DPP10: variants seen among roughly 807,000 people sequenced by gnomAD.
The protein encoded by DPP10 is dipeptidyl peptidase like 10.
Under a neutral mutation model 120.9 loss-of-function variants are expected in DPP10, and 33 were observed. The observed-to-expected ratio is 0.27, with a 90% CI of 0.21 to 0.37. The LOEUF (loss-of-function observed/expected upper bound fraction) is 0.37, where lower values mean the gene tolerates loss of function less well. Among genes scored for constraint, DPP10 ranks in the 10% least tolerant of loss-of-function variants. The probability of loss-of-function intolerance (pLI) is 1.00; values close to 1 mark genes in which losing one functional copy is unlikely to be tolerated. For missense variants in DPP10, 816 were observed against 942.8 expected, an observed-to-expected ratio of 0.87 and a Z score of 1.76; for synonymous variants, 337 against 326.1, an observed-to-expected ratio of 1.03 and a Z score of -0.36.
At chr2:115,219,186 C>A (rs544621060) in intron 1 of DPP10, among the ~76,000 whole-genome samples, 1 of 152,172 alleles carries the variant, frequency 6.6e-6, no homozygotes, top group South Asian at 2.1e-4. Flanking sequence ...AGATGGTAAA[C>A]ACATGCTCAT....
At chr2:115,710,743 C>T (rs1453921782) in intron 7 of DPP10, among the ~76,000 whole-genome samples, 2 of 151,912 alleles carry the variant, frequency 1.3e-5, no homozygotes. Context: ...ATTCTTATTC[C>T]CAAAACCTAA....
intron 19 of DPP10, among the ~76,000 whole-genome samples, chr2:115,797,293 T>A (rs776140293): frequency 3.3e-5 from 5 of 152,048 alleles, no homozygotes; most frequent in African/African-American, 1.2e-4. Flanking sequence ...TGTATTTGTT[T>A]CATAGATTCC....
intron 8 of DPP10, among the ~76,000 whole-genome samples, chr2:115,730,713 G>T (rs934387855): frequency 6.6e-6 from 1 of 152,064 alleles, no homozygotes; most frequent in African/African-American, 2.4e-5. Flanking sequence ...CTATGTATTC[G>T]GTCTGAGAGT....
intron 1 of DPP10, among the ~76,000 whole-genome samples, chr2:114,916,669 C>T (rs1440349504): frequency 6.6e-6 from 1 of 152,184 alleles, no homozygotes; most frequent in African/African-American, 2.4e-5. Flanking sequence ...ATTGGTTCAA[C>T]ATATGCAAAT....
chr2:114,678,931 G>A (rs1426586754), intron 1 of DPP10, among the ~76,000 whole-genome samples: 1 of 151,972 alleles, frequency 6.6e-6, no homozygotes, highest in Middle Eastern at 3.2e-3. Context: ...CAGACACACG[G>A]ATGCGTCTCT....
intron 1 of DPP10, among the ~76,000 whole-genome samples, chr2:114,906,793 AG>A (rs1340209614): frequency 6.6e-6 from 1 of 152,108 alleles, no homozygotes; most frequent in Non-Finnish European, 1.5e-5. Context: ...TGTATGAAAA[AG>A]AGATATTTAT....
At chr2:115,296,357 G>T (rs151311304) in intron 1 of DPP10, among the ~76,000 whole-genome samples, 175 of 152,200 alleles carry the variant, frequency 1.1e-3, no homozygotes, top group Non-Finnish European at 2.4e-3. Context: ...TTCTTTTCAT[G>T]CAGTCGTATT....
chr2:114,549,172 G>T (rs937712227), intron 1 of DPP10, among the ~76,000 whole-genome samples: 1 of 151,820 alleles, frequency 6.6e-6, no homozygotes, highest in African/African-American at 2.4e-5. Flanking sequence ...CATGCCGGGG[G>T]TGGGCGTGAG....
chr2:114,970,318 A>G (rs1448680369), intron 1 of DPP10, among the ~76,000 whole-genome samples: 1 of 152,210 alleles, frequency 6.6e-6, no homozygotes, highest in African/African-American at 2.4e-5. Flanking sequence ...TTTATAGCAC[A>G]TAGGTTTACT....
chr2:115,711,916 GTT>G (rs1245249118), intron 7 of DPP10, among the ~76,000 whole-genome samples: 3 of 44,764 alleles, frequency 6.7e-5, no homozygotes, highest in East Asian at 1.5e-3. Context: ...AAATGGTCTG[GTT>G]TTTTTTTTTT....
chr2:115,411,587 G>A (rs2068962147), intron 3 of DPP10, among the ~76,000 whole-genome samples: 1 of 152,168 alleles, frequency 6.6e-6, no homozygotes, highest in African/African-American at 2.4e-5. Flanking sequence ...TTACGGAGAA[G>A]CAAGGATTTT....
At chr2:114,996,219 G>A (rs1394814287) in intron 1 of DPP10, among the ~76,000 whole-genome samples, 1 of 152,160 alleles carries the variant, frequency 6.6e-6, no homozygotes, top group African/African-American at 2.4e-5. Flanking sequence ...GAGGCGAGGT[G>A]TAATCATCTG....
At chr2:115,404,859 A>G (rs946411233) in intron 3 of DPP10, among the ~76,000 whole-genome samples, 4 of 152,176 alleles carry the variant, frequency 2.6e-5, no homozygotes, top group Admixed American at 2.6e-4. Flanking sequence ...AATCAACCCA[A>G]TCTCAAAAGA....
chr2:114,898,759 A>T (rs1156551536), intron 1 of DPP10, among the ~76,000 whole-genome samples: 1 of 152,224 alleles, frequency 6.6e-6, no homozygotes, highest in Non-Finnish European at 1.5e-5. Flanking sequence ...TCTCAAAGAT[A>T]TCGTGTTGCT....
chr2:115,465,835 A>AT (rs2074294895), intron 3 of DPP10, among the ~76,000 whole-genome samples: 1 of 151,442 alleles, frequency 6.6e-6, no homozygotes, highest in Admixed American at 6.6e-5. Flanking sequence ...AAATAATAAA[A>AT]ATAAAATAAA....
At chr2:115,165,023 A>G (rs1244824477) in intron 1 of DPP10, among the ~76,000 whole-genome samples, 1 of 152,232 alleles carries the variant, frequency 6.6e-6, no homozygotes, top group Non-Finnish European at 1.5e-5. Flanking sequence ...ATATCTAAAA[A>G]CAAATGCCTT....
chr2:115,066,379 CA>C (rs11325004), intron 1 of DPP10, among the ~76,000 whole-genome samples: 148,472 of 152,000 alleles, frequency 0.98, 72,612 homozygotes, highest in Middle Eastern at 1. Flanking sequence ...CAAGATTATG[CA>C]AAAAAATGAG....
intron 1 of DPP10, among the ~76,000 whole-genome samples, chr2:115,171,717 A>G (rs1186784643): frequency 2.8e-5 from 4 of 141,756 alleles, no homozygotes; most frequent in African/African-American, 5.1e-5. Flanking sequence ...GTATAACCTT[A>G]AAAAAAAAAA....
intron 1 of DPP10, among the ~76,000 whole-genome samples, chr2:115,013,829 C>T (rs1274014121): frequency 1.3e-5 from 2 of 151,954 alleles, no homozygotes; most frequent in South Asian, 2.1e-4. Context: ...TACTGGAGCA[C>T]CCAAATTCAT....
Sources: gnomAD v4.1 joint callset for allele counts (sites outside exome capture counted in the v4.1 genomes callset) on GRCh38, gnomAD v4.1.1 for gene constraint, MANE v1.5 for transcripts, NCBI Gene and HGNC (gene_info 2026-07-23, HGNC 2026-07-21) for gene names.